CACNA1C: variants seen among roughly 807,000 people sequenced by gnomAD.
The protein encoded by CACNA1C is voltage-dependent L-type calcium channel subunit alpha-1C.
Under a neutral mutation model 229.0 loss-of-function variants are expected in CACNA1C, and 30 were observed. The ratio of observed to expected loss-of-function variants is 0.13; its 90% CI spans 0.10 to 0.18. CACNA1C has a LOEUF of 0.18. Ranked by LOEUF, CACNA1C falls within the 10% of genes least tolerant of loss-of-function variation. The pLI, the probability that CACNA1C is intolerant of heterozygous loss-of-function variation, is 1.00. For missense variants in CACNA1C, 1,658 were observed against 2,845.0 expected (o/e 0.58, Z 9.49); for synonymous variants, 1,114 against 1,132.5 (o/e 0.98, Z 0.33).
intron 3 of CACNA1C, among the ~76,000 whole-genome samples, chr12:2,204,657 A>G (rs1224640268): frequency 6.6e-6 from 1 of 150,928 alleles, no homozygotes; most frequent in African/African-American, 2.4e-5. Context: ...CATGGATGAA[A>G]TTGGAAATCA....
rs554155021 is a variant in CACNA1C at position 2,693,487 on chromosome 12, G to A, written c.*2288G>A. ...TACCCAACAAGGACAGCAGGGGCTC[G>A]AGAAAGGAACTGGTGAAACCCTGAT... On this transcript the variant is annotated 3_prime_UTR_variant, in exon 47 of 47. Coordinates refer to ENST00000399655, the MANE Select transcript of CACNA1C (RefSeq NM_000719.7). 2.6e-5 allele frequency: 4 copies of A among 152,294 alleles called. No homozygotes were observed. The highest frequency in any genetic ancestry group is 2.1e-4 in the South Asian group (1 of 4,820). 9.4% of individuals were successfully genotyped at this position (152,294 alleles called of 1,614,324 possible).
In CACNA1C at chr12:2,595,570, G is replaced by A. The variant is rs1330863204; in HGVS notation, c.2664-304G>A. 3.3e-5 allele frequency among the ~76,000 whole-genome samples: 5 copies of A among 152,098 alleles called. No individual in the cohort carries two copies. Among genetic ancestry groups the A allele is most frequent in the Non-Finnish European group, 7.4e-5 (5 of 68,016 alleles). ...ATAAAGTGATTTCTTTTCAATGATA[G>A]GGAAAATAAGTCCCCAAACAAAAGC... On this transcript the variant is annotated intron_variant, in intron 19 of 46. Transcript: ENST00000399655. The surrounding 1 kb of genome is among the most constrained non-coding windows in gnomAD (Gnocchi z 4.1).
intron 38 of CACNA1C, among the ~76,000 whole-genome samples, chr12:2,673,920 G>A (rs2096670304): frequency 6.6e-6 from 1 of 152,230 alleles, no homozygotes; most frequent in African/African-American, 2.4e-5. Flanking sequence ...CTGATGAGGA[G>A]CATCTTAGAA....
At chr12:2,156,317 T>A (rs1225785790) in intron 3 of CACNA1C, among the ~76,000 whole-genome samples, 1 of 152,158 alleles carries the variant, frequency 6.6e-6, no homozygotes, top group Non-Finnish European at 1.5e-5. Context: ...TAAAGTGACA[T>A]GGAAATCAGA....
chr12:2,033,120 C>G (rs191615362), intron 1 of CACNA1C, among the ~76,000 whole-genome samples: 4 of 152,276 alleles, frequency 2.6e-5, no homozygotes, highest in African/African-American at 9.6e-5. Flanking sequence ...GGGGGAGTTC[C>G]GCTGGCCATT....
rs2077210109 is a variant in CACNA1C at position 2,610,583 on chromosome 12, A to C, written c.3601A>C (p.Arg1201=). 1 of 1,613,884 alleles carries C rather than the reference A, an allele frequency of 6.2e-7. No individual in the cohort carries two copies. The highest frequency in any genetic ancestry group is 1.3e-5 in the African/African-American group (1 of 74,896). ...CGCCCTCAAGGCCCGGCCCCTGCGGAGGTACATCCCCAAGAACCAGCACCA... is the reference window on the plus strand; with the variant it reads ...CGCCCTCAAGGCCCGGCCCCTGCGGCGGTACATCCCCAAGAACCAGCACCA... ...EYALKARPLR[R]YIPKNQHQYK... Residue 1201 remains arginine (R), a synonymous_variant, in exon 28 of 47, where the codon AGG becomes CGG. Transcript: ENST00000399655.
rs111367690 is a variant in CACNA1C at position 2,223,915 on chromosome 12, T to A, written c.477+103485T>A. 4.1e-3 allele frequency among the ~76,000 whole-genome samples: 619 copies of A among 152,320 alleles called. 12 individuals are homozygous for A. Among genetic ancestry groups the A allele is most frequent in the South Asian group, 0.032 (155 of 4,822 alleles). ...ATACACAAATATATTCTAGTTTATT[T>A]ATAGATATCCATAACCCCAATCAGA... On this transcript the variant is annotated intron_variant, in intron 3 of 46. Coordinates refer to ENST00000399655, the MANE Select transcript of CACNA1C (RefSeq NM_000719.7).
chr12:2,477,605 G>A (rs1330437075), intron 5 of CACNA1C, among the ~76,000 whole-genome samples: 3 of 152,132 alleles, frequency 2.0e-5, no homozygotes, highest in Non-Finnish European at 2.9e-5. Context: ...GGGTTCAGTC[G>A]ATGGGGAGCC....
In CACNA1C at chr12:2,599,979, C is replaced by T. The variant is rs1056483947; in HGVS notation, c.2854-1875C>T. On this transcript the variant is annotated intron_variant, in intron 21 of 46. Transcript: ENST00000399655. Reference sequence around the variant, plus strand: ...AAAACAGGAGCCCAAAACCAGAGGACAGAGTTGGCACTCTGAGCCTTATTA... The same window carrying T: ...AAAACAGGAGCCCAAAACCAGAGGATAGAGTTGGCACTCTGAGCCTTATTA... Among the ~76,000 whole-genome samples, 58 of 152,274 alleles carry T rather than the reference C, an allele frequency of 3.8e-4. 1 individual carries two copies. The highest frequency in any genetic ancestry group is 2.1e-4 in the South Asian group (1 of 4,828).
At chr12:2,314,451 A>T (rs1484312759) in intron 3 of CACNA1C, among the ~76,000 whole-genome samples, 2 of 152,118 alleles carry the variant, frequency 1.3e-5, no homozygotes, top group Non-Finnish European at 2.9e-5. Flanking sequence ...TGTCGCCAGC[A>T]CCCGGGTCAA....
At chr12:2,450,203 C>T (rs1438959668) in intron 4 of CACNA1C, among the ~76,000 whole-genome samples, 1 of 152,108 alleles carries the variant, frequency 6.6e-6, no homozygotes, top group Non-Finnish European at 1.5e-5. Context: ...CAAAAAGAAT[C>T]TCCATAAAAT....
chr12:2,021,792 G>C (rs1317756699), intron 1 of CACNA1C, among the ~76,000 whole-genome samples: 1 of 152,188 alleles, frequency 6.6e-6, no homozygotes, highest in Non-Finnish European at 1.5e-5. Context: ...CAGAAGGCAA[G>C]AGAGAGATAT....
chr12:2,499,044 C>T (rs923542632), intron 7 of CACNA1C, among the ~76,000 whole-genome samples: 2 of 152,150 alleles, frequency 1.3e-5, no homozygotes, highest in Non-Finnish European at 2.9e-5. Flanking sequence ...TTTACCTGGG[C>T]TCTGAGGCAC....
chr12:2,542,494 C>T (rs577493571), intron 9 of CACNA1C, among the ~76,000 whole-genome samples: 17 of 152,272 alleles, frequency 1.1e-4, no homozygotes, highest in African/African-American at 4.1e-4. Context: ...GCCCGCTGAT[C>T]AGTGCAGCCA....
intron 3 of CACNA1C, among the ~76,000 whole-genome samples, chr12:2,447,887 C>T (rs542446647): frequency 6.6e-4 from 101 of 152,370 alleles, no homozygotes; most frequent in African/African-American, 2.4e-3. Flanking sequence ...CGAGTGCCCA[C>T]TTGGGGCTGT....
At chr12:2,261,662 A>G (rs1422900344) in intron 3 of CACNA1C, among the ~76,000 whole-genome samples, 3 of 152,228 alleles carry the variant, frequency 2.0e-5, no homozygotes, top group Non-Finnish European at 2.9e-5. Flanking sequence ...ATTATTACAA[A>G]CAGCACTATT....
At chr12:2,513,045 G>A (rs1376053850) in intron 9 of CACNA1C, 61 bp downstream of exon 9, 6 of 1,421,202 alleles carry the variant, frequency 4.2e-6, no homozygotes, top group Non-Finnish European at 3.8e-6. Flanking sequence ...ACAGCATCGG[G>A]GTCAGCACAG....
At chr12:2,236,055 T>C (rs1313880397) in intron 3 of CACNA1C, among the ~76,000 whole-genome samples, 3 of 152,238 alleles carry the variant, frequency 2.0e-5, no homozygotes, top group Non-Finnish European at 4.4e-5. Flanking sequence ...CCAGGCAGTT[T>C]GGCTTCAGAG....
At chr12:2,625,810 TAGAC>T (rs1427919292) in intron 29 of CACNA1C, among the ~76,000 whole-genome samples, 8 of 151,680 alleles carry the variant, frequency 5.3e-5, no homozygotes, top group African/African-American at 1.5e-4. Context: ...ATTTTTAAAT[TAGAC>T]AGATATAGTG....
Sources: allele counts gnomAD v4.1 joint callset (sites outside exome capture counted in the v4.1 genomes callset), GRCh38; gene constraint gnomAD v4.1.1; non-coding constraint Gnocchi (gnomAD v3.1); transcripts MANE v1.5; gene names NCBI Gene and HGNC (gene_info 2026-07-23, HGNC 2026-07-21).